RSL24D1: variants seen among roughly 807,000 people sequenced by gnomAD.
RSL24D1 encodes the protein ribosomal L24 domain containing 1.
Under a neutral mutation model 26.2 loss-of-function variants are expected in RSL24D1, and 6 were observed. The ratio of observed to expected loss-of-function variants is 0.23; its 90% CI spans 0.13 to 0.45. RSL24D1 has a LOEUF of 0.45. Ranked by LOEUF, RSL24D1 falls within the 20% of genes least tolerant of loss-of-function variation. The pLI, the probability that RSL24D1 is intolerant of heterozygous loss-of-function variation, is 0.99. For synonymous variants in RSL24D1, 61 were observed against 59.1 expected, an observed-to-expected ratio of 1.03 and a Z score of -0.15; for missense variants, 176 against 202.6, an observed-to-expected ratio of 0.87 and a Z score of 0.80.
chr15:55,188,497 A>C (rs1894247892), intron 3 of RSL24D1, among the ~76,000 whole-genome samples: 1 of 152,226 alleles, frequency 6.6e-6, no homozygotes, highest in African/African-American at 2.4e-5. Flanking sequence ...CCTAACAGAA[A>C]CAATAAAATA....
chr15:55,188,842 G>C (rs1894252318), intron 3 of RSL24D1, among the ~76,000 whole-genome samples: 3 of 152,130 alleles, frequency 2.0e-5, no homozygotes, highest in South Asian at 4.1e-4. Context: ...CTGTCTTCAA[G>C]TAATAATAAC....
intron 1 of RSL24D1, 79 bp from the exon 2 acceptor site, chr15:55,192,912 A>C (rs1894314919): frequency 1.2e-6 from 1 of 857,536 alleles, no homozygotes; most frequent in South Asian, 1.5e-5. Context: ...CTAGACAAAA[A>C]ATACTTTCCC....
At chr15:55,182,850 T>TG (rs1157372674) in intron 5 of RSL24D1, among the ~76,000 whole-genome samples, 2 of 152,170 alleles carry the variant, frequency 1.3e-5, no homozygotes, top group African/African-American at 4.8e-5. Context: ...ACTGTACTGG[T>TG]GTTAGCTGAG....
chr15:55,190,249 C>CAAAAAAA (rs57254193), intron 3 of RSL24D1, among the ~76,000 whole-genome samples: 27 of 34,460 alleles, frequency 7.8e-4, no homozygotes, highest in Non-Finnish European at 9.1e-4. Context: ...CTTTCCAACT[C>CAAAAAAA]AAAAAAAAAA....
At chr15:55,190,906 CA>C (rs1227789155) in intron 3 of RSL24D1, 68 bp downstream of exon 3, 1 of 966,248 alleles carries the variant, frequency 1.0e-6, no homozygotes, top group African/African-American at 1.7e-5. Flanking sequence ...AACAAACTGA[CA>C]CTTAAAGTTA....
At chr15:55,182,829 T>C (rs1007575319) in intron 5 of RSL24D1, among the ~76,000 whole-genome samples, 4 of 152,280 alleles carry the variant, frequency 2.6e-5, no homozygotes, top group East Asian at 3.9e-4. Context: ...CATAAGTAAA[T>C]TGCATAAAAG....
chr15:55,192,623 T>C (rs969494805), intron 2 of RSL24D1, 97 bp downstream of exon 2: 1 of 780,800 alleles, frequency 1.3e-6, no homozygotes, highest in African/African-American at 1.7e-5. Context: ...AATCATGTTA[T>C]AGGAGGCCTT....
chr15:55,185,475 G>A (rs376889525), intron 3 of RSL24D1, 50 bp from the exon 4 acceptor site: 1 of 1,259,956 alleles, frequency 7.9e-7, no homozygotes. Context: ...CAAGCGGTAT[G>A]ATCAACAACT....
At chr15:55,185,835 C>T (rs140110328) in intron 3 of RSL24D1, among the ~76,000 whole-genome samples, 2,502 of 152,256 alleles carry the variant, frequency 0.016, 38 homozygotes, top group Middle Eastern at 0.041. Flanking sequence ...ATATGGTCAG[C>T]ACATGATATT....
chr15:55,192,700 T>C lies in RSL24D1; in HGVS notation c.195+20A>G, dbSNP rs772358869. The C allele has an allele frequency of 6.5e-7, 1 of 1,538,918 alleles. No homozygotes were observed. On this transcript the variant is annotated intron_variant, in intron 2 of 5. Coordinates refer to ENST00000260443, the MANE Select transcript of RSL24D1 (RefSeq NM_016304.3). Reference sequence around the variant, plus strand: ...ACTGTGAAACGTGTAAAAACTATATTGATAGCTAACCGTACTCACCACTGT... The same window carrying C: ...ACTGTGAAACGTGTAAAAACTATATCGATAGCTAACCGTACTCACCACTGT...
At chr15:55,184,370 C>G (rs1158311823) in intron 4 of RSL24D1, among the ~76,000 whole-genome samples, 1 of 152,038 alleles carries the variant, frequency 6.6e-6, no homozygotes, top group Non-Finnish European at 1.5e-5. Context: ...GAATTATAAC[C>G]CAATGTATAC....
Position 55,196,941 on chromosome 15 carries a change from T to C in RSL24D1, c.-51A>G, listed in dbSNP as rs756998052. 1.9e-6 allele frequency: 3 copies of C among 1,569,078 alleles called. No individual in the cohort carries two copies. In the South Asian group the frequency reaches 3.3e-5, roughly 17 times the overall value. ...AACAAACGCCAAGCTTGAGAGGAAGTGATGCAACCCCGTCACCGGAAGTTA... is the reference window on the plus strand; with the variant it reads ...AACAAACGCCAAGCTTGAGAGGAAGCGATGCAACCCCGTCACCGGAAGTTA... On this transcript the variant is annotated 5_prime_UTR_variant, in exon 1 of 6. Transcript: ENST00000260443.
chr15:55,184,161 A>C (rs1159474343), intron 4 of RSL24D1, among the ~76,000 whole-genome samples: 1 of 152,156 alleles, frequency 6.6e-6, no homozygotes, highest in African/African-American at 2.4e-5. Context: ...ATAGCAATTA[A>C]TTTAAAAGCT....
At chr15:55,189,038 A>G (rs1260015946) in intron 3 of RSL24D1, among the ~76,000 whole-genome samples, 1 of 151,924 alleles carries the variant, frequency 6.6e-6, no homozygotes, top group African/African-American at 2.4e-5. Context: ...CTAAAATACA[A>G]AAAAATTAGC....
At position 55,191,124 on chromosome 15, in the gene RSL24D1, T is replaced by G. The variant is rs2140595684; in HGVS notation, c.196-77A>C. ...GGAAACATTTCTTAAAACGTCTTCC[T>G]TTTCCTAAGTGTTCTAAATGAACAT... On this transcript the variant is annotated intron_variant, in intron 2 of 5. Transcript: ENST00000260443. 3 of 979,530 alleles carry G rather than the reference T, an allele frequency of 3.1e-6. No individual in the cohort carries two copies. In the South Asian group the frequency reaches 4.6e-5, roughly 15 times the overall value. The allele number at this position is 979,530 out of a possible 1,614,324, so 60.7% of individuals were successfully genotyped here.
intron 2 of RSL24D1, 59 bp from the exon 3 acceptor site, chr15:55,191,106 TTTC>T: frequency 3.3e-6 from 4 of 1,220,392 alleles, no homozygotes; most frequent in Non-Finnish European, 3.5e-6. Context: ...AAAGGAAACA[TTTC>T]TTAAAACGTC....
intron 2 of RSL24D1, among the ~76,000 whole-genome samples, chr15:55,191,646 G>A (rs1347816529): frequency 1.3e-5 from 2 of 152,188 alleles, no homozygotes; most frequent in Admixed American, 1.3e-4. Context: ...GTTGCTAGTG[G>A]CTGGTATTTT....
chr15:55,187,583 T>C (rs1894237146), intron 3 of RSL24D1, among the ~76,000 whole-genome samples: 1 of 152,150 alleles, frequency 6.6e-6, no homozygotes, highest in Non-Finnish European at 1.5e-5. Context: ...AATGAAATAA[T>C]GTCTTTTACA....
In RSL24D1 at chr15:55,192,740, C is replaced by T. The variant is rs368924119; in HGVS notation, c.175G>A (p.Ala59Thr). ...CTCACCACTGTAAGCTCTTTACCAG[C>T]TGCTTTCCGGAATGCTTTGGTCCAC... is the stretch of plus-strand genomic sequence containing the variant. ...VRWTKAFRKA[A>T]GKELTVDNSF... The change falls in exon 2 of 6, where the codon GCT (alanine) becomes ACT (threonine). Residue 59 changes from alanine (A) to threonine (T), a missense_variant. Physicochemically the swap from Ala to Thr is moderately conservative, Grantham distance 58. Coordinates refer to ENST00000260443, the MANE Select transcript of RSL24D1 (RefSeq NM_016304.3). The T allele has an allele frequency of 6.2e-7, 1 of 1,613,054 alleles. No individual in the cohort carries two copies. The highest frequency in any genetic ancestry group is 2.2e-5 in the East Asian group (1 of 44,854).
Sources: allele counts gnomAD v4.1 joint callset (sites outside exome capture counted in the v4.1 genomes callset), GRCh38; gene constraint gnomAD v4.1.1; transcripts MANE v1.5; gene names NCBI Gene and HGNC (gene_info 2026-07-23, HGNC 2026-07-21).